Variants in ANKFN1 observed in about 807,000 individuals in gnomAD.
The protein encoded by ANKFN1 is ankyrin repeat and fibronectin type III domain containing 1.
In ANKFN1, 74 loss-of-function variants were observed where a neutral mutation model predicts 108.7. That is an observed-to-expected ratio of 0.68 (90% CI 0.56 to 0.83). The LOEUF (loss-of-function observed/expected upper bound fraction) is 0.83. Among genes scored for constraint, ANKFN1 ranks in the 40% least tolerant of loss-of-function variants. The pLI is 0.00. For missense variants in ANKFN1, 1,505 were observed against 1,382.3 expected, an observed-to-expected ratio of 1.09 and a Z score of -1.41; for synonymous variants, 547 against 516.2, an observed-to-expected ratio of 1.06 and a Z score of -0.81.
intron 1 of ANKFN1, chr17:56,185,124 G>A: frequency 6.6e-6 from 1 of 152,068 alleles, no homozygotes; most frequent in Non-Finnish European, 1.5e-5. Context: ...GTACCACCTT[G>A]AAACCCTGAC....
chr17:56,268,825 C>T (rs1286299767), intron 3 of ANKFN1, among the ~76,000 whole-genome samples: 1 of 152,098 alleles, frequency 6.6e-6, no homozygotes, highest in East Asian at 1.9e-4. Flanking sequence ...TGACATTCTT[C>T]CCTCTTTCTC....
At chr17:56,084,180 A>T (rs188015672) in intron 4 of ANKFN1, among the ~76,000 whole-genome samples, 3 of 151,116 alleles carry the variant, frequency 2.0e-5, no homozygotes, top group Admixed American at 6.6e-5. Flanking sequence ...CCCTCTAGAG[A>T]CATATTTTGG....
intron 3 of ANKFN1, among the ~76,000 whole-genome samples, chr17:56,263,710 A>G (rs376466375): frequency 6.6e-6 from 1 of 152,314 alleles, no homozygotes; most frequent in East Asian, 1.9e-4. Flanking sequence ...CTTCTGTTTT[A>G]GGGGGAAAGA....
intron 8 of ANKFN1, among the ~76,000 whole-genome samples, chr17:56,386,056 G>T: frequency 6.6e-6 from 1 of 152,130 alleles, no homozygotes; most frequent in East Asian, 1.9e-4. Flanking sequence ...CAATAGCAAA[G>T]ACTTGGAAGC....
chr17:56,498,427 G>C (rs1195101288), intron 19 of ANKFN1, among the ~76,000 whole-genome samples: 1 of 152,022 alleles, frequency 6.6e-6, no homozygotes, highest in East Asian at 1.9e-4. Context: ...ATTATAATCT[G>C]GGATATAATA....
chr17:56,173,111 G>T (rs1164778582), intron 1 of ANKFN1, among the ~76,000 whole-genome samples: 2 of 152,176 alleles, frequency 1.3e-5, no homozygotes, highest in Non-Finnish European at 2.9e-5. Context: ...TTATCAACTA[G>T]CTCCAATAAT....
At chr17:56,170,457 T>G (rs1263504316) in intron 1 of ANKFN1, among the ~76,000 whole-genome samples, 1 of 152,006 alleles carries the variant, frequency 6.6e-6, no homozygotes, top group Non-Finnish European at 1.5e-5. Context: ...CAATCTTCAT[T>G]AAATGTATTA....
chr17:56,371,912 C>T (rs1322859040), intron 6 of ANKFN1, among the ~76,000 whole-genome samples: 3 of 152,216 alleles, frequency 2.0e-5, no homozygotes, highest in Non-Finnish European at 4.4e-5. Flanking sequence ...CAACCTCTCT[C>T]AGCAAGAGGG....
chr17:56,214,646 C>T (rs191583067), intron 2 of ANKFN1, among the ~76,000 whole-genome samples: 53 of 152,306 alleles, frequency 3.5e-4, no homozygotes, highest in Non-Finnish European at 6.6e-4. Flanking sequence ...TTCTCTCTAA[C>T]CTGGTTTCCA....
rs111936469 is a variant in ANKFN1, at chr17:56,512,838, A to G, written c.*1569A>G. 6.6e-6 allele frequency among the ~76,000 whole-genome samples: 1 copy of G among 152,242 alleles called. No individual in the cohort carries two copies. Among genetic ancestry groups the G allele is most frequent in the South Asian group, 2.1e-4 (1 of 4,834 alleles). On this transcript the variant is annotated 3_prime_UTR_variant, in exon 21 of 21. Transcript: ENST00000682825. ...AAGGTACAGATTTGGCCCATGGCCT[A>G]TGGTCATTAGAAAACTAAAGCCCAG... is the stretch of plus-strand genomic sequence containing the variant.
chr17:56,255,472 T>C (rs966980036), intron 3 of ANKFN1, among the ~76,000 whole-genome samples: 1 of 152,200 alleles, frequency 6.6e-6, no homozygotes, highest in Admixed American at 6.6e-5. Context: ...GGGATATTCC[T>C]TGTGAGAAAC....
rs549745123 is a variant in ANKFN1, at chr17:56,162,270, G to A, written c.-71+8740G>A. Among the ~76,000 whole-genome samples the A allele has an allele frequency of 1.3e-4, 20 of 152,288 alleles. No individual in the cohort carries two copies. In the South Asian group the frequency reaches 4.2e-3, roughly 32 times the overall value. ...ATGCATCTATGTTTATTTGCTTAGG[G>A]CCGCCTCACAAACTACCATAGACTG... On this transcript the variant is annotated intron_variant, in intron 1 of 20. Transcript: ENST00000682825.
chr17:56,363,373 G>T (rs547626239), intron 6 of ANKFN1, among the ~76,000 whole-genome samples: 3 of 152,086 alleles, frequency 2.0e-5, no homozygotes, highest in Non-Finnish European at 4.4e-5. Flanking sequence ...TGAGAAATGA[G>T]ATATCATCTA....
chr17:56,214,048 A>T (rs1270596594), intron 2 of ANKFN1, among the ~76,000 whole-genome samples: 1 of 152,186 alleles, frequency 6.6e-6, no homozygotes, highest in Non-Finnish European at 1.5e-5. Flanking sequence ...GGATTGAGTG[A>T]CCTCAGTGGC....
intron 8 of ANKFN1, among the ~76,000 whole-genome samples, chr17:56,435,173 G>T (rs1324118554): frequency 1.3e-5 from 2 of 152,034 alleles, no homozygotes; most frequent in Non-Finnish European, 2.9e-5. Context: ...TATGCTGTCT[G>T]TACCAGCGTG....
At chr17:56,364,527 G>T (rs1356844452) in intron 6 of ANKFN1, among the ~76,000 whole-genome samples, 1 of 152,174 alleles carries the variant, frequency 6.6e-6, no homozygotes, top group East Asian at 1.9e-4. Flanking sequence ...AGAAAACATG[G>T]TTATCTTGTT....
chr17:56,322,944 T>C (rs12452038), intron 3 of ANKFN1, among the ~76,000 whole-genome samples: 58,076 of 152,118 alleles, frequency 0.38, 12,579 homozygotes, highest in East Asian at 0.94. Context: ...CTTCATTTAA[T>C]ATCTGCATAT....
intron 14 of ANKFN1, among the ~76,000 whole-genome samples, chr17:56,464,997 C>T (rs1010738876): frequency 1.3e-5 from 2 of 152,210 alleles, no homozygotes; most frequent in African/African-American, 4.8e-5. Flanking sequence ...TTTTGAAAGC[C>T]TGTTGTCAAA....
At chr17:56,053,643 T>C (rs1904815947) in intron 4 of ANKFN1, among the ~76,000 whole-genome samples, 1 of 152,190 alleles carries the variant, frequency 6.6e-6, no homozygotes, top group South Asian at 2.1e-4. Flanking sequence ...AATGTACTGA[T>C]TTCTTTTCTT....
Sources: allele counts gnomAD v4.1 joint callset (sites outside exome capture counted in the v4.1 genomes callset), GRCh38; gene constraint gnomAD v4.1.1; transcripts MANE v1.5; gene names NCBI Gene and HGNC (gene_info 2026-07-23, HGNC 2026-07-21).